The following PPP1R12B variants were observed in gnomAD, a reference collection of about 807,000 sequenced individuals.
PPP1R12B encodes myosin phosphatase target subunit 2.
PPP1R12B carries 76 observed loss-of-function variants against 126.1 expected under a neutral mutation model. The observed-to-expected ratio is 0.60, with a 90% CI of 0.50 to 0.73. PPP1R12B has a LOEUF of 0.73. Ranked by LOEUF, PPP1R12B falls within the 30% of genes least tolerant of loss-of-function variation. PPP1R12B has a pLI of 0.00. For missense variants in PPP1R12B, 1,052 were observed against 1,205.1 expected (o/e 0.87, Z 1.88); for synonymous variants, 356 against 434.7 (o/e 0.82, Z 2.25).
intron 13 of PPP1R12B, chr1:202,472,134 G>A (rs1676008722): frequency 5.1e-6 from 7 of 1,369,494 alleles, no homozygotes; most frequent in Non-Finnish European, 6.9e-6. Flanking sequence ...ATGTGCGTAG[G>A]TCATCACCGC....
At chr1:202,407,023 C>CATG (rs1350507986) in intron 1 of PPP1R12B, among the ~76,000 whole-genome samples, 1 of 152,160 alleles carries the variant, frequency 6.6e-6, no homozygotes, top group Non-Finnish European at 1.5e-5. Context: ...GAAGATGACT[C>CATG]ATGAGCTTTG....
chr1:202,577,583 A>G (rs1317599987), intron 23 of PPP1R12B, among the ~76,000 whole-genome samples: 2 of 150,108 alleles, frequency 1.3e-5, no homozygotes, highest in South Asian at 4.2e-4. Flanking sequence ...TTTTTTTTTT[A>G]ATAGTTCCCT....
At chr1:202,359,410 G>A (rs1657739055) in intron 1 of PPP1R12B, among the ~76,000 whole-genome samples, 1 of 151,982 alleles carries the variant, frequency 6.6e-6, no homozygotes, top group Admixed American at 6.5e-5. Flanking sequence ...TGGGATTACA[G>A]TCATGAGCCA....
At chr1:202,401,194 CTCTTTTTTT>C (rs1558180293) in intron 1 of PPP1R12B, among the ~76,000 whole-genome samples, 1 of 150,940 alleles carries the variant, frequency 6.6e-6, no homozygotes, top group East Asian at 1.9e-4. Context: ...TCTCTTTTTT[CTCTTTTTTT>C]TTTAGAGACA....
chr1:202,366,517 CAAAAAAAA>C (rs10570958), intron 1 of PPP1R12B, among the ~76,000 whole-genome samples: 2 of 73,048 alleles, frequency 2.7e-5, no homozygotes, highest in Non-Finnish European at 5.0e-5. Context: ...GACTCCATCT[CAAAAAAAA>C]AAAAAAAAAA....
rs144839558 is a variant in PPP1R12B at position 202,438,692 on chromosome 1, C to T, written c.1458+668C>T. On this transcript the variant is annotated intron_variant, in intron 10 of 23. Transcript: ENST00000608999. ...TGTCCCAGGGCCGCCGGGTTCAAGC[C>T]GCCCAGTCAAGGGCCAGGTGGTTAC... The T allele has an allele frequency of 2.3e-5, 14 of 612,172 alleles. 1 individual carries two copies. The highest frequency in any genetic ancestry group is 6.8e-4 in the Middle Eastern group (2 of 2,962). The allele number at this position is 612,172 out of a possible 1,614,324, so 37.9% of individuals were successfully genotyped here. A position where few individuals can be genotyped will look rare whatever the true frequency, so the allele number is the denominator to read the frequency against.
intron 18 of PPP1R12B, among the ~76,000 whole-genome samples, chr1:202,526,463 T>C (rs1273094841): frequency 6.6e-6 from 1 of 152,162 alleles, no homozygotes; most frequent in Non-Finnish European, 1.5e-5. Context: ...TTGTATGTTT[T>C]TTTCCAGCCA....
chr1:202,488,487 A>G (rs759118331), intron 13 of PPP1R12B, 46 bp from the exon 14 acceptor site: 5 of 1,394,960 alleles, frequency 3.6e-6, no homozygotes, highest in Admixed American at 3.8e-5. Context: ...CCTCAAGTAT[A>G]TGCAGCAAAG....
chr1:202,495,360 C>T lies in PPP1R12B; in HGVS notation c.2213C>T (p.Thr738Met), dbSNP rs1273700748. ...CCCACCACGCCAGCATCTCCTTCTA[C>T]GTCAAGACCCTCACTCTACACCAGT... Reference protein sequence around the residue: ...DKPTTPASPSTSRPSLYTSSH... With the variant: ...DKPTTPASPSMSRPSLYTSSH... The change falls in exon 16 of 24, where the codon ACG becomes ATG. Residue 738 changes from threonine to methionine, a missense_variant. Transcript: ENST00000608999. The T allele has an allele frequency of 7.5e-6, 12 of 1,607,012 alleles. No homozygotes were observed. Among genetic ancestry groups the T allele is most frequent in the African/African-American group, 1.3e-5 (1 of 74,794 alleles).
intron 18 of PPP1R12B, among the ~76,000 whole-genome samples, chr1:202,516,497 C>T (rs2148905427): frequency 6.6e-6 from 1 of 151,996 alleles, no homozygotes; most frequent in East Asian, 1.9e-4. Context: ...GGCTGGGGAG[C>T]ATGAAAGGAT....
chr1:202,469,796 G>C lies in PPP1R12B; in HGVS notation c.1851-18737G>C, dbSNP rs370190044. 3.3e-5 allele frequency among the ~76,000 whole-genome samples: 5 copies of C among 152,286 alleles called. No individual in the cohort carries two copies. The East Asian group carries it at 9.6e-4, about 29-fold the overall frequency. ...ACTTATTTTAGAGGCTTTCTCTGAA[G>C]ATAAATCTAATTTAGGTCTTTTAGG... On this transcript the variant is annotated intron_variant, in intron 13 of 23. Coordinates refer to ENST00000608999, the MANE Select transcript of PPP1R12B (RefSeq NM_002481.4).
intron 21 of PPP1R12B, 192 bp from the exon 22 acceptor site, chr1:202,567,586 A>G: frequency 3.5e-6 from 2 of 579,482 alleles, no homozygotes; most frequent in South Asian, 4.8e-5. Flanking sequence ...GAATCCTGCA[A>G]ACTTCAGAGA....
intron 1 of PPP1R12B, among the ~76,000 whole-genome samples, chr1:202,396,525 A>T (rs1665004332): frequency 6.6e-6 from 1 of 152,158 alleles, no homozygotes; most frequent in Non-Finnish European, 1.5e-5. Context: ...AACTGATATT[A>T]TTGCTCCTAC....
intron 8 of PPP1R12B, among the ~76,000 whole-genome samples, chr1:202,431,861 C>CTGGGTACGGTGCCTTAGCA (rs1282226938): frequency 2.0e-5 from 3 of 152,194 alleles, no homozygotes; most frequent in Non-Finnish European, 4.4e-5. Context: ...TAGGTGAATG[C>CTGGGTACGGTGCCTTAGCA]TGGGTACGGT....
rs1678446887 is a variant in PPP1R12B at position 202,488,548 on chromosome 1, T to C, written c.1866T>C (p.Pro622=). 1 of 1,611,188 alleles carries C rather than the reference T, an allele frequency of 6.2e-7. No individual in the cohort carries two copies. The highest frequency in any genetic ancestry group is 8.5e-7 in the Non-Finnish European group (1 of 1,178,132). ...TTCTCTGCAGGTCCTATCTGACTCCTGTACGGGATGAGGAAGCAGAGTCTT... is the reference window on the plus strand; with the variant it reads ...TTCTCTGCAGGTCCTATCTGACTCCCGTACGGGATGAGGAAGCAGAGTCTT... The part of the protein sequence containing the change: ...AREKRRSYLT[P]VRDEEAESLR... The change falls in exon 14 of 24, where the codon CCT becomes CCC. Residue 622 remains proline (P), a synonymous_variant. Coordinates refer to ENST00000608999, the MANE Select transcript of PPP1R12B (RefSeq NM_002481.4).
At chr1:202,486,071 G>A (rs1558287868) in intron 13 of PPP1R12B, among the ~76,000 whole-genome samples, 3 of 152,090 alleles carry the variant, frequency 2.0e-5, no homozygotes, top group African/African-American at 2.4e-5. Context: ...TTGAAGAGAC[G>A]AGGTTTTGCC....
At chr1:202,529,327 A>C (rs939232043) in intron 18 of PPP1R12B, among the ~76,000 whole-genome samples, 6 of 151,678 alleles carry the variant, frequency 4.0e-5, no homozygotes, top group Admixed American at 3.3e-4. Flanking sequence ...AAAAGAAGTT[A>C]GATGTTAAGT....
intron 13 of PPP1R12B, among the ~76,000 whole-genome samples, chr1:202,468,608 G>C (rs1675380640): frequency 6.6e-6 from 1 of 152,136 alleles, no homozygotes; most frequent in African/African-American, 2.4e-5. Context: ...AATATGTCCA[G>C]CTCCCTTACA....
At chr1:202,553,775 T>C (rs1425819041) in intron 18 of PPP1R12B, among the ~76,000 whole-genome samples, 3 of 152,118 alleles carry the variant, frequency 2.0e-5, no homozygotes, top group African/African-American at 7.2e-5. Context: ...CTTAGAATCC[T>C]CTTCTCTGGG....
Sources: gnomAD v4.1 joint callset for allele counts (sites outside exome capture counted in the v4.1 genomes callset) on GRCh38, gnomAD v4.1.1 for gene constraint, MANE v1.5 for transcripts, NCBI Gene and HGNC (gene_info 2026-07-23, HGNC 2026-07-21) for gene names.